SCRN1: variants seen among roughly 807,000 people sequenced by gnomAD.
The protein encoded by SCRN1 is secernin-1.
Under a neutral mutation model 43.3 loss-of-function variants are expected in SCRN1, and 19 were observed. The ratio of observed to expected loss-of-function variants is 0.44; its 90% confidence interval spans 0.31 to 0.64. The LOEUF is 0.64. Ranked by LOEUF, SCRN1 falls within the 30% of genes least tolerant of loss-of-function variation. SCRN1 has a pLI of 0.09. For missense variants in SCRN1, 447 were observed against 524.1 expected (o/e 0.85, Z 1.44); for synonymous variants, 183 against 188.9 (o/e 0.97, Z 0.26).
chr7:29,942,160 A>T (rs1787578221), intron 4 of SCRN1, among the ~76,000 whole-genome samples: 1 of 152,232 alleles, frequency 6.6e-6, no homozygotes, highest in Non-Finnish European at 1.5e-5. Context: ...TTTTGACATC[A>T]TTCCTACTAA....
At chr7:29,951,352 G>A (rs934661819) in intron 3 of SCRN1, among the ~76,000 whole-genome samples, 4 of 152,210 alleles carry the variant, frequency 2.6e-5, no homozygotes, top group African/African-American at 7.2e-5. Context: ...GCTTGTGCTT[G>A]GAAGGCATGG....
intron 6 of SCRN1, among the ~76,000 whole-genome samples, chr7:29,934,239 A>T (rs1010936877): frequency 1.3e-5 from 2 of 152,212 alleles, no homozygotes; most frequent in Non-Finnish European, 2.9e-5. Flanking sequence ...AGTACTTAAA[A>T]TTTTTTATTT....
intron 1 of SCRN1, 119 bp downstream of exon 1, chr7:29,989,523 C>A (rs1174311649): frequency 1.0e-6 from 1 of 982,442 alleles, no homozygotes; most frequent in Non-Finnish European, 1.2e-6. Flanking sequence ...GGTAACGCTA[C>A]CCGCGGGTTC....
chr7:29,934,176 C>T (rs78391096), intron 6 of SCRN1, among the ~76,000 whole-genome samples: 1,824 of 152,256 alleles, frequency 0.012, 22 homozygotes, highest in Middle Eastern at 0.024. Flanking sequence ...TCTTAATCTT[C>T]TATAATACAA....
At chr7:29,971,969 C>A (rs1052688704) in intron 1 of SCRN1, among the ~76,000 whole-genome samples, 1 of 152,178 alleles carries the variant, frequency 6.6e-6, no homozygotes, top group Admixed American at 6.5e-5. Context: ...TAGAACATCA[C>A]CCCTTCCCTC....
At chr7:29,966,701 G>C (rs1290947700) in intron 2 of SCRN1, among the ~76,000 whole-genome samples, 3 of 152,288 alleles carry the variant, frequency 2.0e-5, no homozygotes, top group African/African-American at 7.2e-5. Flanking sequence ...AGTTGCAAGG[G>C]CTTTTATTAA....
In SCRN1 at chr7:29,922,328, T is replaced by G. The variant is rs144772502; in HGVS notation, c.*1629A>C. The G allele has an allele frequency of 1.4e-3, 208 of 152,364 alleles. No individual in the cohort carries two copies. Among genetic ancestry groups the G allele is most frequent in the African/African-American group, 4.7e-3 (196 of 41,578 alleles). 9.4% of individuals were successfully genotyped at this position (152,364 alleles called of 1,614,324 possible). A position where few individuals can be genotyped will look rare whatever the true frequency, so the allele number is the denominator to read the frequency against. On this transcript the variant is annotated 3_prime_UTR_variant, in exon 8 of 8. Coordinates refer to ENST00000242059, the MANE Select transcript of SCRN1 (RefSeq NM_014766.5). ...GGAGAGTTGGTAGAAAAAAAGAATG[T>G]GTTCTGATAAAACCTCTGATCCTCA...
chr7:29,970,960 T>C (rs80004860), intron 1 of SCRN1, among the ~76,000 whole-genome samples: 3,120 of 152,336 alleles, frequency 0.02, 44 homozygotes, highest in East Asian at 0.041. Context: ...GAAAGCTCCC[T>C]GAAGGCAGGA....
chr7:29,929,786 A>C (rs2128086762), intron 6 of SCRN1, among the ~76,000 whole-genome samples: 1 of 152,334 alleles, frequency 6.6e-6, no homozygotes, highest in South Asian at 2.1e-4. Context: ...GAAGCTTGTA[A>C]ACTTGTGATG....
intron 3 of SCRN1, 121 bp from the exon 4 acceptor site, chr7:29,944,300 G>T: frequency 2.5e-6 from 2 of 788,426 alleles, no homozygotes; most frequent in Non-Finnish European, 2.1e-6. Flanking sequence ...AACATGTTAA[G>T]TCTGCAGAAC....
intron 2 of SCRN1, among the ~76,000 whole-genome samples, chr7:29,956,190 T>A (rs1339316898): frequency 6.6e-6 from 1 of 152,176 alleles, no homozygotes; most frequent in African/African-American, 2.4e-5. Context: ...ATAAAATCAG[T>A]CAAAGTATGT....
chr7:29,931,941 G>A (rs909185077), intron 6 of SCRN1, among the ~76,000 whole-genome samples: 1 of 152,014 alleles, frequency 6.6e-6, no homozygotes, highest in African/African-American at 2.4e-5. Context: ...GTCACACCTG[G>A]CTCCCATAAA....
At chr7:29,938,924 C>T (rs148833120) in intron 5 of SCRN1, among the ~76,000 whole-genome samples, 73 of 152,236 alleles carry the variant, frequency 4.8e-4, no homozygotes, top group East Asian at 4.2e-3. Flanking sequence ...AAGCTGGTCT[C>T]GGCAATTATT....
chr7:29,982,702 AAAAG>A (rs1328973428), intron 1 of SCRN1, among the ~76,000 whole-genome samples: 5 of 151,396 alleles, frequency 3.3e-5, no homozygotes, highest in African/African-American at 1.2e-4. Context: ...AAAAAAAAAA[AAAAG>A]AATGGTGAAG....
chr7:29,970,512 A>C (rs111960823), intron 1 of SCRN1, among the ~76,000 whole-genome samples: 5 of 152,316 alleles, frequency 3.3e-5, no homozygotes, highest in African/African-American at 1.2e-4. Flanking sequence ...AGTAATTATC[A>C]TAATCTGAAA....
Position 29,932,257 on chromosome 7 carries a change from G to A in SCRN1, c.905+4299C>T, listed in dbSNP as rs564205013. On this transcript the variant is annotated intron_variant, in intron 6 of 7. Transcript: ENST00000242059. ...TCTATCTGTGCAGGCTGTGCCCCAC[G>A]TGGCTCCAAAGGCTGCATGAGTCAT... 8.5e-5 allele frequency among the ~76,000 whole-genome samples: 13 copies of A among 152,308 alleles called. No homozygotes were observed. The East Asian group carries it at 2.1e-3, about 25-fold the overall frequency.
At chr7:29,958,116 TC>T (rs1788196678) in intron 2 of SCRN1, among the ~76,000 whole-genome samples, 1 of 152,086 alleles carries the variant, frequency 6.6e-6, no homozygotes, top group Non-Finnish European at 1.5e-5. Context: ...GGCAGCCAGA[TC>T]CCTTCACAGG....
intron 6 of SCRN1, among the ~76,000 whole-genome samples, chr7:29,935,025 C>G (rs147781463): frequency 8.5e-5 from 13 of 152,176 alleles, no homozygotes; most frequent in African/African-American, 4.8e-5. Context: ...CTCACAATGC[C>G]CAGTGCTCAA....
chr7:29,941,556 G>A (rs1311070464), intron 4 of SCRN1, among the ~76,000 whole-genome samples: 3 of 152,176 alleles, frequency 2.0e-5, no homozygotes, highest in Admixed American at 1.3e-4. Context: ...ACACATGCGT[G>A]TGAGTGTGTG....
Sources: allele counts gnomAD v4.1 joint callset (sites outside exome capture counted in the v4.1 genomes callset), GRCh38; gene constraint gnomAD v4.1.1; transcripts MANE v1.5; gene names NCBI Gene and HGNC (gene_info 2026-07-23, HGNC 2026-07-21).